The following FHIP1B variants were observed in gnomAD, a reference collection of about 807,000 sequenced individuals.
The protein encoded by FHIP1B is FHF complex subunit HOOK interacting protein 1B.
A neutral mutation model predicts 82.2 loss-of-function variants in FHIP1B; 28 were observed. The observed-to-expected ratio is 0.34, with a 90% CI of 0.25 to 0.47. FHIP1B has a LOEUF of 0.47. FHIP1B is among the 20% of genes least tolerant of loss of function. The pLI, the probability that FHIP1B is intolerant of heterozygous loss-of-function variation, is 1.00. For missense variants in FHIP1B, 1,110 were observed against 1,262.6 expected, an observed-to-expected ratio of 0.88 and a Z score of 1.83; for synonymous variants, 585 against 516.1, an observed-to-expected ratio of 1.13 and a Z score of -1.81.
intron 6 of FHIP1B, among the ~76,000 whole-genome samples, chr11:6,219,589 G>A (rs116977321): frequency 6.6e-6 from 1 of 152,150 alleles, no homozygotes; most frequent in Non-Finnish European, 1.5e-5. Context: ...TCAGAAGGCA[G>A]GATAAAGAAC....
chr11:6,222,362 C>T, intron 6 of FHIP1B, 80 bp downstream of exon 6: 1 of 1,484,770 alleles, frequency 6.7e-7, no homozygotes, highest in South Asian at 1.2e-5. Flanking sequence ...AAAAGAAGGG[C>T]AGGAATACCC....
At chr11:6,229,461 A>G (rs1590635689) in intron 1 of FHIP1B, among the ~76,000 whole-genome samples, 1 of 152,208 alleles carries the variant, frequency 6.6e-6, no homozygotes, top group Admixed American at 6.5e-5. Context: ...CTGACTGAGA[A>G]AAGAGATATA....
intron 1 of FHIP1B, among the ~76,000 whole-genome samples, chr11:6,231,921 T>G (rs539143207): frequency 1.2e-4 from 18 of 152,250 alleles, no homozygotes; most frequent in South Asian, 2.1e-4. Flanking sequence ...CATGTTTTAT[T>G]CATGTTGTTA....
In FHIP1B at chr11:6,222,750, T is replaced by G. The variant is rs993671283; in HGVS notation, c.1023+61A>C. ...TACCCACCGCCTCCTACGTTAGTCC[T>G]GTCACTGAGGTTACCACTGCAGCTT... is the stretch of plus-strand genomic sequence containing the variant. On this transcript the variant is annotated intron_variant, in intron 5 of 11. Coordinates refer to ENST00000449352, the MANE Select transcript of FHIP1B (RefSeq NM_001098794.2). The G allele has an allele frequency of 3.2e-6, 5 of 1,576,020 alleles. No homozygotes were observed. The East Asian group carries it at 1.1e-4, about 35-fold the overall frequency.
At position 6,223,748 on chromosome 11, in the gene FHIP1B, A is replaced by G. The variant is rs1488612642; in HGVS notation, c.639T>C (p.Phe213=). The G allele has an allele frequency of 1.9e-6, 3 of 1,614,236 alleles. No individual in the cohort carries two copies. The Admixed American group carries it at 5.0e-5, about 27-fold the overall frequency. The part of the protein sequence containing the change: ...EPGAAPRLLL[F]SRLVPFVHRE... ...GATGCACAAAAGGGACAAGGCGAGA[A>G]AAGAGAAGAAGACGGGGAGCGGCTC... Residue 213 remains phenylalanine (F), a synonymous_variant, in exon 3 of 12, where the codon TTT becomes TTC. Coordinates refer to ENST00000449352, the MANE Select transcript of FHIP1B (RefSeq NM_001098794.2). This position sits in a 1 kb window ranked among gnomAD's most constrained non-coding sequence, Gnocchi z 4.8.
Position 6,217,362 on chromosome 11 carries a change from G to A in FHIP1B, c.2215+9C>T, listed in dbSNP as rs1847261331. The A allele has an allele frequency of 1.2e-6, 2 of 1,612,874 alleles. No individual in the cohort carries two copies. The highest frequency in any genetic ancestry group is 4.5e-5 in the East Asian group (2 of 44,874). On this transcript the variant is annotated intron_variant, in intron 9 of 11. Coordinates refer to ENST00000449352, the MANE Select transcript of FHIP1B (RefSeq NM_001098794.2). ...ACACAGAAGGGAAGGCCTAGGCTAA[G>A]TAGCTTACCAGTGAAGGGCTGGCTT... is the stretch of plus-strand genomic sequence containing the variant.
At chr11:6,224,809 C>A (rs978878403) in intron 1 of FHIP1B, 102 bp from the exon 2 acceptor site, 1 of 324,940 alleles carries the variant, frequency 3.1e-6, no homozygotes, top group Non-Finnish European at 5.6e-6. Flanking sequence ...TATATACATA[C>A]ACACATACAC....
intron 1 of FHIP1B, among the ~76,000 whole-genome samples, chr11:6,233,793 A>G (rs938541060): frequency 3.9e-5 from 6 of 152,234 alleles, no homozygotes; most frequent in Admixed American, 6.5e-5. Flanking sequence ...AGAAGCAAGT[A>G]GAGAGAAAAC....
chr11:6,224,027 C>T lies in FHIP1B; in HGVS notation c.360G>A (p.Gly120=). 2 of 1,613,858 alleles carry T rather than the reference C, an allele frequency of 1.2e-6. No individual in the cohort carries two copies. The highest frequency in any genetic ancestry group is 1.7e-6 in the Non-Finnish European group (2 of 1,179,862). ...LTWQLQWDEL[G]DGVEERRAEQ... is the part of the protein sequence containing the mutation. Reference sequence around the variant, plus strand: ...CAGCCCGCCGTTCCTCGACCCCATCCCCAAGCTCATCCCATTGCAGCTGCC... The same window carrying T: ...CAGCCCGCCGTTCCTCGACCCCATCTCCAAGCTCATCCCATTGCAGCTGCC... Residue 120 remains glycine, a synonymous_variant, in exon 3 of 12, where the codon GGG becomes GGA. Transcript: ENST00000449352.
At chr11:6,225,948 G>GA (rs1216153390) in intron 1 of FHIP1B, among the ~76,000 whole-genome samples, 7 of 151,806 alleles carry the variant, frequency 4.6e-5, no homozygotes, top group Non-Finnish European at 7.4e-5. Flanking sequence ...ATCCTCACAA[G>GA]AAAAAGGAAA....
At chr11:6,216,916 A>G in intron 9 of FHIP1B, 1 of 604,760 alleles carries the variant, frequency 1.7e-6, no homozygotes, top group Non-Finnish European at 2.9e-6. Context: ...GCCCCAGGAG[A>G]GCTGACAGAA....
intron 1 of FHIP1B, among the ~76,000 whole-genome samples, chr11:6,228,383 T>C (rs1460778419): frequency 6.6e-6 from 1 of 151,286 alleles, no homozygotes; most frequent in Non-Finnish European, 1.5e-5. Flanking sequence ...CTTAAAGAAG[T>C]TGTGGTAAGG....
rs368972301 is a variant in FHIP1B, at chr11:6,222,850, A to C, written c.984T>G (p.Asn328Lys). ...VQKQLVDYIH[N>K]GFLVPVMGPA... ...GACCCATGACAGGCACCAGGAACCCATTATGGATATAATCAACCAACTGCT... is the reference window on the plus strand; with the variant it reads ...GACCCATGACAGGCACCAGGAACCCCTTATGGATATAATCAACCAACTGCT... Residue 328 changes from asparagine (N) to lysine (K), a missense_variant, in exon 5 of 12, where the codon AAT becomes AAG. This residue lies in a region of FHIP1B where 467 missense variants were observed against 602.9 expected (regional missense o/e 0.77). Coordinates refer to ENST00000449352, the MANE Select transcript of FHIP1B (RefSeq NM_001098794.2). 1.4e-5 allele frequency: 22 copies of C among 1,614,044 alleles called. No homozygotes were observed. Among genetic ancestry groups the C allele is most frequent in the Non-Finnish European group, 1.9e-5 (22 of 1,180,036 alleles).
chr11:6,229,574 C>G (rs994338874), intron 1 of FHIP1B, among the ~76,000 whole-genome samples: 1 of 152,200 alleles, frequency 6.6e-6, no homozygotes, highest in Non-Finnish European at 1.5e-5. Flanking sequence ...ATGTCCAAAA[C>G]TAAACTGCCT....
chr11:6,212,752 C>T (rs1486381741), intron 11 of FHIP1B, among the ~76,000 whole-genome samples: 1 of 152,184 alleles, frequency 6.6e-6, no homozygotes, highest in Non-Finnish European at 1.5e-5. Flanking sequence ...GCATTCAGAG[C>T]CCTTCACAAT....
At chr11:6,217,012 C>T (rs544107242) in intron 9 of FHIP1B, 5 of 681,306 alleles carry the variant, frequency 7.3e-6, no homozygotes, top group African/African-American at 5.2e-5. Flanking sequence ...CATACGTCTT[C>T]AATATGGTTC....
rs779054701 is a variant in FHIP1B, at chr11:6,214,511, T to G, written c.2457A>C (p.Ala819=). Residue 819 remains alanine (A), a synonymous_variant, in exon 11 of 12, where the codon GCA becomes GCC. Coordinates refer to ENST00000449352, the MANE Select transcript of FHIP1B (RefSeq NM_001098794.2). ...NFAASQEDFP[A]LLSKAKKYLI... ...GGTACTTCTTGGCTTTGGACAGCAG[T>G]GCTGGGAAGTCCTCCTGGGAAGCCG... is the stretch of plus-strand genomic sequence containing the variant. 1 of 1,614,214 alleles carries G rather than the reference T, an allele frequency of 6.2e-7. No individual in the cohort carries two copies. The highest frequency in any genetic ancestry group is 8.5e-7 in the Non-Finnish European group (1 of 1,180,014).
At chr11:6,224,912 T>G (rs1000780905) in intron 1 of FHIP1B, among the ~76,000 whole-genome samples, 8 of 152,216 alleles carry the variant, frequency 5.3e-5, no homozygotes, top group Non-Finnish European at 1.0e-4. Context: ...AAGAAAATGA[T>G]ACCAAAATTA....
At position 6,223,636 on chromosome 11, in the gene FHIP1B, T is replaced by C. The variant is rs1847478259; in HGVS notation, c.751A>G (p.Ile251Val). The C allele has an allele frequency of 3.1e-6, 5 of 1,605,350 alleles. No homozygotes were observed. Among genetic ancestry groups the C allele is most frequent in the African/African-American group, 1.3e-5 (1 of 74,598 alleles). The change falls in exon 3 of 12, where the codon ATC becomes GTC. Residue 251 changes from isoleucine (I) to valine (V), a missense_variant. By Grantham distance (29) the Ile-to-Val change is conservative. This residue lies in a region of FHIP1B where 467 missense variants were observed against 602.9 expected (regional missense o/e 0.77). Transcript: ENST00000449352. The surrounding 1 kb of genome is among the most constrained non-coding windows in gnomAD (Gnocchi z 4.8). Reference sequence around the variant, plus strand: ...GGGCAGAAGTAAGAGTGATCCGCGATGTAGCGGCCCACAGTGGGGCTCCCA... The same window carrying C: ...GGGCAGAAGTAAGAGTGATCCGCGACGTAGCGGCCCACAGTGGGGCTCCCA... ...SAGSPTVGRY[I>V]ADHSYFCPVL...
Sources: allele counts gnomAD v4.1 joint callset (sites outside exome capture counted in the v4.1 genomes callset), GRCh38; gene constraint gnomAD v4.1.1; regional missense constraint gnomAD v4.1.1; non-coding constraint Gnocchi (gnomAD v3.1); transcripts MANE v1.5; gene names NCBI Gene and HGNC (gene_info 2026-07-23, HGNC 2026-07-21).